ABAT: variants seen among roughly 807,000 people sequenced by gnomAD.
ABAT encodes the protein 4-aminobutyrate aminotransferase.
ABAT carries 45 observed loss-of-function variants against 64.6 expected under a neutral mutation model. That is an observed-to-expected ratio of 0.70 (90% CI 0.55 to 0.89). The LOEUF (loss-of-function observed/expected upper bound fraction) is 0.89. Among genes scored for constraint, ABAT ranks in the 40% least tolerant of loss-of-function variants. ABAT has a pLI of 0.00. For missense variants in ABAT, 633 were observed against 658.4 expected (o/e 0.96, Z 0.42); for synonymous variants, 297 against 250.5 (o/e 1.19, Z -1.75).
chr16:8,689,236 C>T (rs1208814853), intron 1 of ABAT, among the ~76,000 whole-genome samples: 2 of 152,134 alleles, frequency 1.3e-5, no homozygotes, highest in Non-Finnish European at 2.9e-5. Flanking sequence ...TTTTTTCCTA[C>T]ATAGATAGTT....
intron 1 of ABAT, among the ~76,000 whole-genome samples, chr16:8,704,090 C>G (rs1400615244): frequency 6.6e-6 from 1 of 152,154 alleles, no homozygotes; most frequent in East Asian, 1.9e-4. Context: ...GAGAAGTTTC[C>G]CTTTGTGTCA....
intron 5 of ABAT, among the ~76,000 whole-genome samples, chr16:8,753,552 C>T (rs972660519): frequency 4.6e-5 from 7 of 152,192 alleles, no homozygotes; most frequent in Non-Finnish European, 1.0e-4. Flanking sequence ...CAGTAAGGCA[C>T]GCCACATCTG....
chr16:8,746,084 G>C lies in ABAT; in HGVS notation c.154G>C (p.Gly52Arg). 6.2e-7 allele frequency: 1 copy of C among 1,613,534 alleles called. No homozygotes were observed. The highest frequency in any genetic ancestry group is 8.5e-7 in the Non-Finnish European group (1 of 1,179,890). ...GCCTCTGATGAAGACGGAAGTCCCAGGGCCTAGATCTCAGGTGAGTTGAGC... is the reference window on the plus strand; with the variant it reads ...GCCTCTGATGAAGACGGAAGTCCCACGGCCTAGATCTCAGGTGAGTTGAGC... ...DGPLMKTEVP[G>R]PRSQELMKQL... Residue 52 changes from glycine to arginine, a missense_variant, in exon 3 of 16, where the codon GGG (glycine) becomes CGG (arginine). Gly to Arg is a moderately radical substitution (Grantham distance 125). Transcript: ENST00000268251.
intron 1 of ABAT, among the ~76,000 whole-genome samples, chr16:8,687,052 G>A (rs2141950596): frequency 6.6e-6 from 1 of 152,276 alleles, no homozygotes; most frequent in Middle Eastern, 3.4e-3. Flanking sequence ...CGGATCATAG[G>A]TGAGCCAGGT....
intron 1 of ABAT, among the ~76,000 whole-genome samples, chr16:8,718,570 T>C (rs1277052431): frequency 1.3e-5 from 2 of 152,270 alleles, no homozygotes; most frequent in Admixed American, 6.5e-5. Context: ...CAGACACCGT[T>C]CTGGACCCTG....
intron 11 of ABAT, among the ~76,000 whole-genome samples, chr16:8,769,899 C>T (rs2060054795): frequency 6.6e-6 from 1 of 151,994 alleles, no homozygotes; most frequent in Non-Finnish European, 1.5e-5. Context: ...TTTTCTTAGG[C>T]ACATCATCAT....
At chr16:8,690,929 G>A (rs887201710) in intron 1 of ABAT, among the ~76,000 whole-genome samples, 1 of 152,084 alleles carries the variant, frequency 6.6e-6, no homozygotes, top group Non-Finnish European at 1.5e-5. Context: ...GTGGGAATTT[G>A]TTTGCAAATG....
chr16:8,758,888 G>A (rs1473657322), intron 6 of ABAT, among the ~76,000 whole-genome samples: 1 of 152,076 alleles, frequency 6.6e-6, no homozygotes, highest in Admixed American at 6.6e-5. Flanking sequence ...ACTTGAGGGA[G>A]GTCAGGAGTT....
intron 1 of ABAT, among the ~76,000 whole-genome samples, chr16:8,726,052 A>C (rs1567287781): frequency 1.3e-5 from 2 of 151,826 alleles, no homozygotes; most frequent in Admixed American, 1.3e-4. Flanking sequence ...TTTTGTACCC[A>C]TTAACTATCC....
chr16:8,753,161 T>C lies in ABAT; in HGVS notation c.316+2622T>C, dbSNP rs1596456456. Among the ~76,000 whole-genome samples, 8 of 150,648 alleles carry C rather than the reference T, an allele frequency of 5.3e-5. No homozygotes were observed. In the South Asian group the frequency reaches 1.7e-3, roughly 32 times the overall value. ...CAGGCTGGAGTGTAGTGGCATGATC[T>C]CGGCTCACTGCAAGCTCTGCCTCCT... On this transcript the variant is annotated intron_variant, in intron 5 of 15. Transcript: ENST00000268251.
At chr16:8,723,830 T>TCA (rs1567286237) in intron 1 of ABAT, among the ~76,000 whole-genome samples, 2 of 40,710 alleles carry the variant, frequency 4.9e-5, no homozygotes, top group African/African-American at 2.0e-4. Flanking sequence ...TATATATATT[T>TCA]TTTTTTTTTT....
In ABAT at chr16:8,757,771, G is replaced by T; in HGVS notation, c.331G>T (p.Ala111Ser). 6.2e-7 allele frequency: 1 copy of T among 1,614,054 alleles called. No individual in the cohort carries two copies. The highest frequency in any genetic ancestry group is 8.5e-7 in the Non-Finnish European group (1 of 1,179,944). The change falls in exon 6 of 16, where the codon GCC becomes TCC. Residue 111 changes from alanine to serine, a missense_variant. Physicochemically the swap from Ala to Ser is moderately conservative, Grantham distance 99. Coordinates refer to ENST00000268251, the MANE Select transcript of ABAT (RefSeq NM_020686.6). Reference protein sequence around the residue: ...SSVPIGYSHPALLKLIQQPQN... With the variant: ...SSVPIGYSHPSLLKLIQQPQN... The stretch of plus-strand genomic sequence containing the variant: ...CCTGCCCTCAGGTTACAGCCACCCC[G>T]CCCTGCTGAAACTCATCCAACAGCC...
chr16:8,767,668 A>G (rs7193333), intron 9 of ABAT, among the ~76,000 whole-genome samples: 141,203 of 152,246 alleles, frequency 0.93, 65,523 homozygotes, highest in African/African-American at 0.94. Context: ...GAAATTTCTT[A>G]GTTTTAAATT....
At chr16:8,760,437 G>A (rs533795618) in intron 6 of ABAT, 1 of 152,218 alleles carries the variant, frequency 6.6e-6, no homozygotes, top group African/African-American at 2.4e-5. Flanking sequence ...AATAAACAGA[G>A]TTGGAGCTAA....
At chr16:8,736,914 C>G (rs1333756508) in intron 2 of ABAT, 1 of 152,218 alleles carries the variant, frequency 6.6e-6, no homozygotes, top group African/African-American at 2.4e-5. Flanking sequence ...CCGAGAGTGG[C>G]CTCCTGCAGA....
At chr16:8,758,364 C>G (rs1373312121) in intron 6 of ABAT, among the ~76,000 whole-genome samples, 1 of 152,030 alleles carries the variant, frequency 6.6e-6, no homozygotes, top group Non-Finnish European at 1.5e-5. Flanking sequence ...CAGCTGAGAT[C>G]TGAAGGAGAG....
intron 1 of ABAT, among the ~76,000 whole-genome samples, chr16:8,732,413 G>A (rs2058754114): frequency 6.7e-6 from 1 of 150,108 alleles, no homozygotes; most frequent in Admixed American, 6.6e-5. Flanking sequence ...ATTAGGGAGT[G>A]GTGATGACTC....
intron 1 of ABAT, among the ~76,000 whole-genome samples, chr16:8,721,343 G>A (rs1362949372): frequency 5.9e-5 from 9 of 152,060 alleles, no homozygotes; most frequent in African/African-American, 2.2e-4. Flanking sequence ...GTGGTCATAT[G>A]CAGGGCCCAC....
intron 2 of ABAT, among the ~76,000 whole-genome samples, chr16:8,743,293 C>T (rs1344669234): frequency 5.9e-5 from 8 of 135,160 alleles, no homozygotes; most frequent in Admixed American, 3.3e-4. Flanking sequence ...TTGTATAGTT[C>T]GACAAGCTAT....
Sources: allele counts gnomAD v4.1 joint callset (sites outside exome capture counted in the v4.1 genomes callset), GRCh38; gene constraint gnomAD v4.1.1; transcripts MANE v1.5; gene names NCBI Gene and HGNC (gene_info 2026-07-23, HGNC 2026-07-21).